The following FAT3 variants were observed in gnomAD, a reference collection of about 807,000 sequenced individuals.
The protein encoded by FAT3 is FAT atypical cadherin 3.
In FAT3, 95 loss-of-function variants were observed where a neutral mutation model predicts 310.2. The ratio of observed to expected loss-of-function variants is 0.31; its 90% CI spans 0.26 to 0.36. The LOEUF (loss-of-function observed/expected upper bound fraction) is 0.36. Among genes scored for constraint, FAT3 ranks in the 10% least tolerant of loss-of-function variants. The pLI is 1.00. For synonymous variants in FAT3, 2,314 were observed against 2,192.9 expected (o/e 1.06, Z -1.54); for missense variants, 5,408 against 5,715.6 (o/e 0.95, Z 1.74).
chr11:92,286,201 A>G (rs909662714), intron 1 of FAT3, among the ~76,000 whole-genome samples: 6 of 152,084 alleles, frequency 3.9e-5, no homozygotes, highest in Non-Finnish European at 5.9e-5. Flanking sequence ...CTGGCAGTTG[A>G]TTTATTGCAG....
chr11:92,452,261 C>T (rs1478519905), intron 2 of FAT3, among the ~76,000 whole-genome samples: 1 of 152,134 alleles, frequency 6.6e-6, no homozygotes, highest in Non-Finnish European at 1.5e-5. Context: ...GCCTTTATTT[C>T]ATGGTGTGGG....
At chr11:92,263,170 C>T (rs1865627154) in intron 1 of FAT3, among the ~76,000 whole-genome samples, 1 of 151,932 alleles carries the variant, frequency 6.6e-6, no homozygotes, top group African/African-American at 2.4e-5. Context: ...CAGCATTTCT[C>T]TGTGTTAATC....
chr11:92,260,716 A>G (rs142324510), intron 1 of FAT3, among the ~76,000 whole-genome samples: 2 of 152,204 alleles, frequency 1.3e-5, no homozygotes, highest in African/African-American at 4.8e-5. Flanking sequence ...TCCCTTGTCT[A>G]TCTTGAAGTT....
chr11:92,841,941 C>T (rs544497246), intron 18 of FAT3, among the ~76,000 whole-genome samples: 21 of 152,294 alleles, frequency 1.4e-4, no homozygotes, highest in African/African-American at 4.1e-4. Flanking sequence ...CCATATTAAT[C>T]ATTCCACTTA....
chr11:92,344,431 C>T (rs1290566968), intron 1 of FAT3, among the ~76,000 whole-genome samples: 1 of 152,122 alleles, frequency 6.6e-6, no homozygotes, highest in Non-Finnish European at 1.5e-5. Flanking sequence ...ATCACCAATC[C>T]TGGTATTGCA....
At chr11:92,303,378 C>T (rs540602205) in intron 1 of FAT3, among the ~76,000 whole-genome samples, 41 of 152,138 alleles carry the variant, frequency 2.7e-4, no homozygotes, top group African/African-American at 9.6e-4. Context: ...AGGAAATTCC[C>T]ATCACAATAT....
rs183364403 is a variant in FAT3, at chr11:92,757,349, G to C, written c.3670-4507G>C. Among the ~76,000 whole-genome samples, 318 of 152,290 alleles carry C rather than the reference G, an allele frequency of 2.1e-3. 1 individual carries two copies. The highest frequency in any genetic ancestry group is 7.4e-3 in the African/African-American group (308 of 41,560). ...AATAAGAGCAGAAAATCTAGGTGAG[G>C]ATGGTTCTCTGTTCTTTTGTGAGGC... On this transcript the variant is annotated intron_variant, in intron 4 of 27. Coordinates refer to ENST00000525166, the MANE Select transcript of FAT3 (RefSeq NM_001367949.2).
chr11:92,866,413 A>G (rs953642765), intron 21 of FAT3, among the ~76,000 whole-genome samples: 1 of 152,212 alleles, frequency 6.6e-6, no homozygotes, highest in African/African-American at 2.4e-5. Context: ...CAGAGAATAA[A>G]CAGACCCCTA....
chr11:92,826,114 T>A (rs915431454), intron 13 of FAT3, among the ~76,000 whole-genome samples: 1 of 152,130 alleles, frequency 6.6e-6, no homozygotes, highest in Non-Finnish European at 1.5e-5. Context: ...ACTTGGCAAG[T>A]CCTTATTAAA....
At chr11:92,435,412 A>G (rs1950903258) in intron 2 of FAT3, among the ~76,000 whole-genome samples, 1 of 151,890 alleles carries the variant, frequency 6.6e-6, no homozygotes, top group South Asian at 2.1e-4. Context: ...GCTCTTAAAG[A>G]CTTTATTCAT....
intron 1 of FAT3, among the ~76,000 whole-genome samples, chr11:92,298,684 G>A (rs1045844457): frequency 3.9e-5 from 6 of 152,018 alleles, no homozygotes; most frequent in South Asian, 4.1e-4. Context: ...AAAGATGGTC[G>A]TTAATCAACT....
chr11:92,447,375 T>C (rs1410769945), intron 2 of FAT3, among the ~76,000 whole-genome samples: 2 of 151,958 alleles, frequency 1.3e-5, no homozygotes, highest in African/African-American at 2.4e-5. Flanking sequence ...TCATACCTTT[T>C]TTTTTCCTGT....
At chr11:92,644,689 C>A (rs974811835) in intron 3 of FAT3, among the ~76,000 whole-genome samples, 1 of 152,214 alleles carries the variant, frequency 6.6e-6, no homozygotes, top group East Asian at 1.9e-4. Flanking sequence ...CCAAAAAACC[C>A]ATAAAGATGA....
At chr11:92,638,766 C>T (rs1451490152) in intron 3 of FAT3, among the ~76,000 whole-genome samples, 3 of 152,110 alleles carry the variant, frequency 2.0e-5, no homozygotes, top group Non-Finnish European at 4.4e-5. Flanking sequence ...GCCAATTGTG[C>T]TGAGCATACT....
intron 2 of FAT3, among the ~76,000 whole-genome samples, chr11:92,360,189 C>G (rs1948843491): frequency 6.6e-6 from 1 of 152,156 alleles, no homozygotes; most frequent in Non-Finnish European, 1.5e-5. Context: ...GTACAAAAAT[C>G]ACAAGCATTC....
intron 1 of FAT3, among the ~76,000 whole-genome samples, chr11:92,345,589 G>A (rs1948393619): frequency 6.6e-6 from 1 of 152,178 alleles, no homozygotes; most frequent in Admixed American, 6.5e-5. Context: ...GGTCTCTAGA[G>A]TTTAAGAGTC....
chr11:92,738,493 C>T (rs970200791), intron 4 of FAT3, among the ~76,000 whole-genome samples: 2 of 152,146 alleles, frequency 1.3e-5, no homozygotes, highest in African/African-American at 4.8e-5. Flanking sequence ...GCTCCTGTGG[C>T]GCAAGGACCA....
chr11:92,768,212 C>T (rs1946368192), intron 6 of FAT3, among the ~76,000 whole-genome samples: 1 of 152,188 alleles, frequency 6.6e-6, no homozygotes, highest in African/African-American at 2.4e-5. Flanking sequence ...AGGGTTGTCC[C>T]TCTGGTCTGG....
rs186893550 is a variant in FAT3, at chr11:92,349,032, G to A, written c.-17-3064G>A. 3.7e-3 allele frequency among the ~76,000 whole-genome samples: 568 copies of A among 152,102 alleles called. 4 individuals carry two copies. Among genetic ancestry groups the A allele is most frequent in the Non-Finnish European group, 6.6e-3 (451 of 67,992 alleles). On this transcript the variant is annotated intron_variant, in intron 1 of 27. Transcript: ENST00000525166. ...TAGAAGTTCAAAGTGTGAATGAGGG[G>A]GCAGACTCAGAAAAGTTCAGTTGAA...
Sources: allele counts gnomAD v4.1 joint callset (sites outside exome capture counted in the v4.1 genomes callset), GRCh38; gene constraint gnomAD v4.1.1; transcripts MANE v1.5; gene names NCBI Gene and HGNC (gene_info 2026-07-23, HGNC 2026-07-21).